The following LRP3 variants were observed in gnomAD, a reference collection of about 807,000 sequenced individuals.
LRP3 encodes the protein low-density lipoprotein receptor-related protein 3.
A neutral mutation model predicts 58.5 loss-of-function variants in LRP3; 49 were observed. The ratio of observed to expected loss-of-function variants is 0.84; its 90% confidence interval spans 0.67 to 1.06. The LOEUF is 1.06. LRP3 is among the 50% of genes least tolerant of loss of function. The pLI is 0.00. For synonymous variants in LRP3, 485 were observed against 492.2 expected (o/e 0.99, Z 0.20); for missense variants, 1,019 against 1,134.2 (o/e 0.90, Z 1.46).
At chr19:33,205,152 G>A (rs1193417519) in intron 4 of LRP3, 94 bp from the exon 5 acceptor site, 1 of 1,373,494 alleles carries the variant, frequency 7.3e-7, no homozygotes, top group Non-Finnish European at 1.0e-6. Context: ...CACAGTGATG[G>A]GGAACCACCT....
At chr19:33,197,170 A>G (rs1974294823) in intron 2 of LRP3, among the ~76,000 whole-genome samples, 1 of 152,214 alleles carries the variant, frequency 6.6e-6, no homozygotes, top group Non-Finnish European at 1.5e-5. Flanking sequence ...CTGAGGGGTG[A>G]CACAGAGAGG....
In LRP3 at chr19:33,208,777, C is replaced by A. The variant is rs749173791; in HGVS notation, c.*1202C>A. On this transcript the variant is annotated 3_prime_UTR_variant, in exon 7 of 7. Coordinates refer to ENST00000253193, the MANE Select transcript of LRP3 (RefSeq NM_002333.4). This position sits in a 1 kb window ranked among gnomAD's most constrained non-coding sequence, Gnocchi z 4.7. Reference sequence around the variant, plus strand: ...CTTCCTTAAACAGGCTTCTGAGAGTCGTATCTTTTTTCTTTTTTTTCCAGA... The same window carrying A: ...CTTCCTTAAACAGGCTTCTGAGAGTAGTATCTTTTTTCTTTTTTTTCCAGA... 1 of 1,415,162 alleles carries A rather than the reference C, an allele frequency of 7.1e-7. No homozygotes were observed. Among genetic ancestry groups the A allele is most frequent in the South Asian group, 1.2e-5 (1 of 81,720 alleles). The allele number at this position is 1,415,162 out of a possible 1,614,324, so 87.7% of individuals were successfully genotyped here.
At chr19:33,196,844 C>T (rs3760890) in intron 2 of LRP3, 67 bp downstream of exon 2, 373,978 of 1,439,860 alleles carry the variant, frequency 0.26, 52,434 homozygotes, top group East Asian at 0.48. Flanking sequence ...TCCCTGAAGA[C>T]AGGCCTTCAG....
intron 2 of LRP3, 142 bp from the exon 3 acceptor site, chr19:33,202,706 G>T: frequency 1.1e-6 from 1 of 901,608 alleles, no homozygotes; most frequent in Non-Finnish European, 1.6e-6. Flanking sequence ...CACAAGTTGT[G>T]GCCTTGCCCT....
At chr19:33,197,936 G>A (rs1974302559) in intron 2 of LRP3, among the ~76,000 whole-genome samples, 1 of 152,158 alleles carries the variant, frequency 6.6e-6, no homozygotes, top group African/African-American at 2.4e-5. Flanking sequence ...TGATGCTTCG[G>A]GCTGGCTCAA....
In LRP3 at chr19:33,207,407, T is replaced by C; in HGVS notation, c.2145T>C (p.Asp715=). 6.3e-6 allele frequency: 10 copies of C among 1,589,700 alleles called. No individual in the cohort carries two copies. Among genetic ancestry groups the C allele is most frequent in the Non-Finnish European group, 7.7e-6 (9 of 1,173,272 alleles). Residue 715 remains aspartate, a synonymous_variant, in exon 7 of 7, where the codon GAT becomes GAC. Transcript: ENST00000253193. ...TGGTAGACGGCCCAGCTCCTGCAGA[T>C]GCACCTCGGGAGCCCTGCTCAGCCC... The part of the protein sequence containing the change: ...EPLVDGPAPA[D]APREPCSAQD...
chr19:33,195,110 A>T (rs4328564), intron 1 of LRP3, among the ~76,000 whole-genome samples: 1 of 151,968 alleles, frequency 6.6e-6, no homozygotes, highest in African/African-American at 2.4e-5. Context: ...CGCTGGCAGG[A>T]GGCCCTTCGT....
chr19:33,205,461 G>C lies in LRP3; in HGVS notation c.691G>C (p.Glu231Gln). 2 of 1,585,902 alleles carry C rather than the reference G, an allele frequency of 1.3e-6. No individual in the cohort carries two copies. Among genetic ancestry groups the C allele is most frequent in the Non-Finnish European group, 1.7e-6 (2 of 1,167,972 alleles). The change falls in exon 5 of 7, where the codon GAG becomes CAG. Residue 231 changes from glutamate to glutamine, a missense_variant. This residue lies in a region of LRP3 where 592 missense variants were observed against 725.5 expected (regional missense o/e 0.82). Coordinates refer to ENST00000253193, the MANE Select transcript of LRP3 (RefSeq NM_002333.4). ...GCGCTCCACGCGCTGCCTGCCTGTGGAGCGGCGCTGTGACGGCTTGCAGGA... is the reference window on the plus strand; with the variant it reads ...GCGCTCCACGCGCTGCCTGCCTGTGCAGCGGCGCTGTGACGGCTTGCAGGA... Reference protein sequence around the residue: ...GARSTRCLPVERRCDGLQDCG... With the variant: ...GARSTRCLPVQRRCDGLQDCG...
Position 33,207,951 on chromosome 19 carries a change from C to T in LRP3, c.*376C>T, listed in dbSNP as rs114542192. On this transcript the variant is annotated 3_prime_UTR_variant, in exon 7 of 7. Coordinates refer to ENST00000253193, the MANE Select transcript of LRP3 (RefSeq NM_002333.4). ...CTGGGAGTTGTCATGAGGATGGGGC[C>T]GGGCCATGGGGACGCTGGGTCTCAT... The T allele has an allele frequency of 4.4e-3, 1,192 of 269,790 alleles. 10 individuals carry two copies. Among genetic ancestry groups the T allele is most frequent in the African/African-American group, 0.025 (1,101 of 44,164 alleles). The allele number at this position is 269,790 out of a possible 1,614,324, so 16.7% of individuals were successfully genotyped here.
intron 2 of LRP3, 108 bp from the exon 3 acceptor site, chr19:33,202,740 A>G: frequency 7.7e-7 from 1 of 1,305,874 alleles, no homozygotes; most frequent in Non-Finnish European, 1.0e-6. Context: ...CCTTGGCTGG[A>G]CTCGATCCCA....
chr19:33,207,748 ACGG>A lies in LRP3; in HGVS notation c.*177_*179del, dbSNP rs1568385318. On this transcript the variant is annotated 3_prime_UTR_variant, in exon 7 of 7. Transcript: ENST00000253193. ...TGGTGGGCGGGAGCTGTGGGACTGA[ACGG>A]CGGGGGGGAGAAGAGTGGAGTGGTG... 13 of 475,448 alleles carry A rather than the reference ACGG, an allele frequency of 2.7e-5. No individual in the cohort carries two copies. In the African/African-American group the frequency reaches 3.5e-4, roughly 13 times the overall value. 29.5% of individuals were successfully genotyped at this position (475,448 alleles called of 1,614,324 possible).
rs772914970 is a variant in LRP3 at position 33,207,306 on chromosome 19, C to A, written c.2044C>A (p.Pro682Thr). 6.4e-7 allele frequency: 1 copy of A among 1,564,722 alleles called. No individual in the cohort carries two copies. The highest frequency in any genetic ancestry group is 1.9e-5 in the Admixed American group (1 of 53,776). Residue 682 changes from proline to threonine, a missense_variant, in exon 7 of 7, where the codon CCA becomes ACA. By Grantham distance (38) the Pro-to-Thr change is conservative. Coordinates refer to ENST00000253193, the MANE Select transcript of LRP3 (RefSeq NM_002333.4). The stretch of plus-strand genomic sequence containing the variant: ...TGCACCGGAGGTGGGACCTTCAGGG[C>A]CACCCTTGCCCTCGGGCCTGCGAGA... ...GRAPEVGPSG[P>T]PLPSGLRDPE...
At position 33,207,078 on chromosome 19, in the gene LRP3, C is replaced by A; in HGVS notation, c.1816C>A (p.Arg606Ser). 2.0e-6 allele frequency: 3 copies of A among 1,508,568 alleles called. No homozygotes were observed. Among genetic ancestry groups the A allele is most frequent in the Non-Finnish European group, 1.8e-6 (2 of 1,133,902 alleles). The allele number at this position is 1,508,568 out of a possible 1,614,324, so 93.4% of individuals were successfully genotyped here. A position where few individuals can be genotyped will look rare whatever the true frequency, so the allele number is the denominator to read the frequency against. The change falls in exon 7 of 7, where the codon CGC becomes AGC. Residue 606 changes from arginine (R) to serine (S), a missense_variant. This residue lies in a region of LRP3 where 427 missense variants were observed against 408.6 expected (regional missense o/e 1.04). Coordinates refer to ENST00000253193, the MANE Select transcript of LRP3 (RefSeq NM_002333.4). ...GGGGCCCTCCCGCCGCCGCCTCGGC[C>A]GCCTCTGGAACCGGCTCTTTCACCG... ...RRGPSRRRLG[R>S]LWNRLFHRPR...
chr19:33,206,576 G>A, intron 5 of LRP3, 25 bp from the exon 6 acceptor site: 1 of 1,602,304 alleles, frequency 6.2e-7, no homozygotes. Context: ...GCCCAGTCAT[G>A]TCGCCCTCCG....
intron 5 of LRP3, 84 bp downstream of exon 5, chr19:33,206,446 G>C: frequency 1.3e-6 from 2 of 1,595,354 alleles, no homozygotes; most frequent in Non-Finnish European, 1.7e-6. Flanking sequence ...TTGCAAACGG[G>C]GGCCTGGACT....
At chr19:33,203,086 T>C in intron 3 of LRP3, 100 bp downstream of exon 3, 2 of 1,394,626 alleles carry the variant, frequency 1.4e-6, no homozygotes, top group Non-Finnish European at 2.0e-6. Flanking sequence ...GGCACACGCC[T>C]GAGGGTGTAC....
chr19:33,207,048 C>A lies in LRP3; in HGVS notation c.1786C>A (p.Arg596Ser). 1 of 1,484,886 alleles carries A rather than the reference C, an allele frequency of 6.7e-7. No homozygotes were observed. Among genetic ancestry groups the A allele is most frequent in the Non-Finnish European group, 8.9e-7 (1 of 1,123,676 alleles). The allele number at this position is 1,484,886 out of a possible 1,614,324, so 92.0% of individuals were successfully genotyped here. A position where few individuals can be genotyped will look rare whatever the true frequency, so the allele number is the denominator to read the frequency against. Residue 596 changes from arginine to serine, a missense_variant, in exon 7 of 7, where the codon CGC (arginine) becomes AGC (serine). Physicochemically the swap from Arg to Ser is moderately radical, Grantham distance 110. This residue lies in a region of LRP3 where 427 missense variants were observed against 408.6 expected (regional missense o/e 1.04). Coordinates refer to ENST00000253193, the MANE Select transcript of LRP3 (RefSeq NM_002333.4). ...GAGACAGATGCGTCGGCACGCCTCC[C>A]GCCGGGGGCCCTCCCGCCGCCGCCT... is the stretch of plus-strand genomic sequence containing the variant. ...MRRQMRRHAS[R>S]RGPSRRRLGR...
At position 33,205,793 on chromosome 19, in the gene LRP3, C is replaced by A. The variant is rs745531323; in HGVS notation, c.1023C>A (p.Gly341=). 3 of 1,586,208 alleles carry A rather than the reference C, an allele frequency of 1.9e-6. No homozygotes were observed. The change falls in exon 5 of 7, where the codon GGC becomes GGA. Residue 341 remains glycine, a synonymous_variant. Coordinates refer to ENST00000253193, the MANE Select transcript of LRP3 (RefSeq NM_002333.4). ...CCGTGAGCCTGGAGGCCGCCCAGGGCCGCCTCACTGTGGCCTACCACGCGC... is the reference window on the plus strand; with the variant it reads ...CCGTGAGCCTGGAGGCCGCCCAGGGACGCCTCACTGTGGCCTACCACGCGC... ...HRPVSLEAAQ[G]RLTVAYHARA...
intron 1 of LRP3, among the ~76,000 whole-genome samples, 161 bp downstream of exon 1, chr19:33,195,019 C>G (rs1259492898): frequency 6.6e-6 from 1 of 151,672 alleles, no homozygotes; most frequent in Non-Finnish European, 1.5e-5. Context: ...GCCCGCCTGG[C>G]CCCGGGCCTG....
Sources: gnomAD v4.1 joint callset for allele counts (sites outside exome capture counted in the v4.1 genomes callset) on GRCh38, gnomAD v4.1.1 for gene constraint, gnomAD v4.1.1 regional missense constraint, Gnocchi (gnomAD v3.1) non-coding constraint, MANE v1.5 for transcripts, NCBI Gene and HGNC (gene_info 2026-07-23, HGNC 2026-07-21) for gene names.